DPP10: variants seen among roughly 807,000 people sequenced by gnomAD.
The protein encoded by DPP10 is dipeptidyl peptidase like 10.
A neutral mutation model predicts 120.9 loss-of-function variants in DPP10; 33 were observed. The ratio of observed to expected loss-of-function variants is 0.27; its 90% CI spans 0.21 to 0.37. The LOEUF is 0.37. Among genes scored for constraint, DPP10 ranks in the 10% least tolerant of loss-of-function variants. The probability of loss-of-function intolerance (pLI) is 1.00; values close to 1 mark genes in which losing one functional copy is unlikely to be tolerated. For synonymous variants in DPP10, 337 were observed against 326.1 expected (o/e 1.03, Z -0.36); for missense variants, 816 against 942.8 (o/e 0.87, Z 1.76).
chr2:115,051,967 A>G (rs777797464), intron 1 of DPP10, among the ~76,000 whole-genome samples: 4 of 152,230 alleles, frequency 2.6e-5, no homozygotes, highest in Non-Finnish European at 5.9e-5. Flanking sequence ...TGTCAGTTAT[A>G]CTTGTAAAAG....
intron 1 of DPP10, among the ~76,000 whole-genome samples, chr2:114,510,025 T>C (rs1481161682): frequency 6.6e-6 from 1 of 151,992 alleles, no homozygotes; most frequent in Admixed American, 6.6e-5. Context: ...AAAGAAATGC[T>C]TTCTAAAGCA....
intron 1 of DPP10, among the ~76,000 whole-genome samples, chr2:114,882,232 A>G (rs1691704196): frequency 6.6e-6 from 1 of 152,164 alleles, no homozygotes; most frequent in African/African-American, 2.4e-5. Flanking sequence ...CACAATTAGC[A>G]TTTGCAAAAA....
At chr2:115,442,603 A>C (rs577534607) in intron 3 of DPP10, among the ~76,000 whole-genome samples, 2 of 152,184 alleles carry the variant, frequency 1.3e-5, no homozygotes, top group East Asian at 1.9e-4. Context: ...AAGGAAAGAC[A>C]GTCGAACAAG....
intron 5 of DPP10, among the ~76,000 whole-genome samples, chr2:115,630,522 A>T (rs1305017695): frequency 1.3e-5 from 2 of 152,040 alleles, no homozygotes; most frequent in Non-Finnish European, 2.9e-5. Flanking sequence ...TGCCCTTTCA[A>T]TATGATATTG....
At chr2:115,384,402 GAGAAGGAGAAGAAGAAGAAGA>G (rs1301119359) in intron 3 of DPP10, among the ~76,000 whole-genome samples, 2 of 111,630 alleles carry the variant, frequency 1.8e-5, no homozygotes, top group East Asian at 2.4e-4. Context: ...GCAGAAGAAG[GAGAAGGAGAAGAAGAAGAAGA>G]AGAAGGAGAA....
intron 1 of DPP10, among the ~76,000 whole-genome samples, chr2:114,665,510 A>G (rs1311585671): frequency 6.6e-6 from 1 of 152,066 alleles, no homozygotes; most frequent in Non-Finnish European, 1.5e-5. Flanking sequence ...GCAAAGGTGG[A>G]AGGGACCCAT....
At chr2:114,813,555 T>A (rs1281909305) in intron 1 of DPP10, among the ~76,000 whole-genome samples, 1 of 152,216 alleles carries the variant, frequency 6.6e-6, no homozygotes, top group Non-Finnish European at 1.5e-5. Context: ...CTGTACTGTA[T>A]GATCTATGTT....
At chr2:115,152,734 G>T (rs1283286347) in intron 1 of DPP10, among the ~76,000 whole-genome samples, 2 of 152,160 alleles carry the variant, frequency 1.3e-5, no homozygotes, top group Admixed American at 1.3e-4. Context: ...ATGCCTGGAA[G>T]TTTGGTTTCA....
intron 1 of DPP10, among the ~76,000 whole-genome samples, chr2:114,594,174 G>A (rs901650169): frequency 5.3e-5 from 8 of 152,018 alleles, no homozygotes; most frequent in Non-Finnish European, 8.8e-5. Flanking sequence ...GCAGAAAAAT[G>A]TGAAAAGGGG....
chr2:115,691,433 A>G (rs1289435327), intron 7 of DPP10, among the ~76,000 whole-genome samples: 2 of 152,064 alleles, frequency 1.3e-5, no homozygotes, highest in African/African-American at 2.4e-5. Context: ...TATATGTTTT[A>G]TATGGCCAAC....
In DPP10 at chr2:115,652,627, A is replaced by C. The variant is rs554068680; in HGVS notation, c.442-37060A>C. Among the ~76,000 whole-genome samples, 10 of 152,028 alleles carry C rather than the reference A, an allele frequency of 6.6e-5. No individual in the cohort carries two copies. In the East Asian group the frequency reaches 1.9e-3, roughly 29 times the overall value. ...GAGTCTAAAGTCCTGAGAACCAGGA[A>C]AGACAATGATTTAAGTTTATAGACT... On this transcript the variant is annotated intron_variant, in intron 5 of 25. Coordinates refer to ENST00000410059, the MANE Select transcript of DPP10 (RefSeq NM_020868.6).
intron 1 of DPP10, among the ~76,000 whole-genome samples, chr2:114,972,883 G>A (rs543770527): frequency 2.0e-5 from 3 of 152,160 alleles, no homozygotes; most frequent in Admixed American, 6.5e-5. Context: ...AGTTCTTTTG[G>A]AAGGACGAAG....
chr2:115,262,213 G>T (rs1357580343), intron 1 of DPP10, among the ~76,000 whole-genome samples: 2 of 151,754 alleles, frequency 1.3e-5, no homozygotes, highest in Admixed American at 6.6e-5. Context: ...CAAAATCCTG[G>T]ACTTTTTTTT....
chr2:115,594,138 A>G (rs1340748335), intron 5 of DPP10, among the ~76,000 whole-genome samples: 1 of 152,164 alleles, frequency 6.6e-6, no homozygotes, highest in East Asian at 1.9e-4. Context: ...TATAAAATCA[A>G]TCTTAATTCC....
intron 1 of DPP10, among the ~76,000 whole-genome samples, chr2:114,696,631 T>TA (rs1166953180): frequency 6.6e-6 from 1 of 151,898 alleles, no homozygotes; most frequent in African/African-American, 2.4e-5. Flanking sequence ...AGATGCAATA[T>TA]AAAAAATTAA....
intron 1 of DPP10, among the ~76,000 whole-genome samples, chr2:114,700,554 A>G (rs189373988): frequency 6.6e-6 from 1 of 152,118 alleles, no homozygotes; most frequent in African/African-American, 2.4e-5. Context: ...CCCAATTTAC[A>G]TCCACATCAC....
chr2:115,635,197 A>G (rs2086225673), intron 5 of DPP10, among the ~76,000 whole-genome samples: 1 of 150,256 alleles, frequency 6.7e-6, no homozygotes, highest in Non-Finnish European at 1.5e-5. Flanking sequence ...CAGCCATCTT[A>G]GGCAGCATGC....
At chr2:115,417,542 A>T (rs1298191414) in intron 3 of DPP10, among the ~76,000 whole-genome samples, 1 of 152,172 alleles carries the variant, frequency 6.6e-6, no homozygotes, top group Non-Finnish European at 1.5e-5. Flanking sequence ...AACACATACT[A>T]ACTTTTGATT....
chr2:114,544,370 T>C lies in DPP10; in HGVS notation c.60+101532T>C, dbSNP rs72951855. On this transcript the variant is annotated intron_variant, in intron 1 of 25. Coordinates refer to ENST00000410059, the MANE Select transcript of DPP10 (RefSeq NM_020868.6). ...TTCATATTCTTGGCAGTATGAGTCATTGGGGGAACACAGACTAATAAAGTA... is the reference window on the plus strand; with the variant it reads ...TTCATATTCTTGGCAGTATGAGTCACTGGGGGAACACAGACTAATAAAGTA... 3.2e-3 allele frequency among the ~76,000 whole-genome samples: 486 copies of C among 152,282 alleles called. 3 individuals carry two copies. Among genetic ancestry groups the C allele is most frequent in the African/African-American group, 0.011 (440 of 41,568 alleles).
Sources: gnomAD v4.1 joint callset for allele counts (sites outside exome capture counted in the v4.1 genomes callset) on GRCh38, gnomAD v4.1.1 for gene constraint, MANE v1.5 for transcripts, NCBI Gene and HGNC (gene_info 2026-07-23, HGNC 2026-07-21) for gene names.